BCAS3: variants seen among roughly 807,000 people sequenced by gnomAD.
The protein encoded by BCAS3 is BCAS3 microtubule associated cell migration factor.
Under a neutral mutation model 116.1 loss-of-function variants are expected in BCAS3, and 53 were observed. The ratio of observed to expected loss-of-function variants is 0.46; its 90% confidence interval spans 0.37 to 0.57. The LOEUF (loss-of-function observed/expected upper bound fraction) is 0.57. Ranked by LOEUF, BCAS3 falls within the 20% of genes least tolerant of loss-of-function variation. The probability of loss-of-function intolerance (pLI) is 0.00; values close to 1 mark genes in which losing one functional copy is unlikely to be tolerated. For missense variants in BCAS3, 917 were observed against 1,165.4 expected (o/e 0.79, Z 3.10); for synonymous variants, 391 against 408.2 (o/e 0.96, Z 0.51).
chr17:60,869,100 T>TA (rs1261159693), intron 8 of BCAS3, among the ~76,000 whole-genome samples: 2 of 152,312 alleles, frequency 1.3e-5, no homozygotes, highest in African/African-American at 2.4e-5. Context: ...TCCTGAACTA[T>TA]AAAAAAATGC....
intron 4 of BCAS3, among the ~76,000 whole-genome samples, chr17:60,705,030 G>A (rs1009266359): frequency 1.1e-4 from 17 of 152,034 alleles, no homozygotes; most frequent in African/African-American, 4.1e-4. Context: ...CTATGGAAAG[G>A]ATTGTCAACT....
At chr17:61,047,256 A>G (rs2046440375) in intron 19 of BCAS3, among the ~76,000 whole-genome samples, 1 of 152,002 alleles carries the variant, frequency 6.6e-6, no homozygotes, top group Non-Finnish European at 1.5e-5. Flanking sequence ...TGTATTGTAA[A>G]TTAGATCATA....
intron 13 of BCAS3, among the ~76,000 whole-genome samples, chr17:60,927,640 A>G (rs1323130668): frequency 6.6e-6 from 1 of 152,192 alleles, no homozygotes; most frequent in Non-Finnish European, 1.5e-5. Context: ...TTCATGGTGT[A>G]TAGAGTTTCC....
chr17:61,125,386 A>G (rs1341516529), intron 22 of BCAS3, among the ~76,000 whole-genome samples: 8 of 152,180 alleles, frequency 5.3e-5, no homozygotes, highest in Non-Finnish European at 1.5e-5. Context: ...TATTGCTTCA[A>G]TGACATATTT....
intron 21 of BCAS3, among the ~76,000 whole-genome samples, chr17:61,079,416 T>C (rs1438801937): frequency 6.6e-6 from 1 of 152,172 alleles, no homozygotes; most frequent in Non-Finnish European, 1.5e-5. Context: ...AGTTGGATTA[T>C]GCCTGATGTA....
chr17:61,243,708 C>T lies in BCAS3; in HGVS notation c.2426-124619C>T, dbSNP rs2047706792. 6.6e-6 allele frequency among the ~76,000 whole-genome samples: 1 copy of T among 152,170 alleles called. No individual in the cohort carries two copies. Among genetic ancestry groups the T allele is most frequent in the South Asian group, 2.1e-4 (1 of 4,830 alleles). Reference sequence around the variant, plus strand: ...AGCACAGTTCCCTGCCAGAAATATCCATCATGGACGAAGTGACTGCTAGAG... The same window carrying T: ...AGCACAGTTCCCTGCCAGAAATATCTATCATGGACGAAGTGACTGCTAGAG... On this transcript the variant is annotated intron_variant, in intron 22 of 23. Coordinates refer to ENST00000407086, the MANE Select transcript of BCAS3 (RefSeq NM_017679.5). This position sits in a 1 kb window ranked among gnomAD's most constrained non-coding sequence, Gnocchi z 5.6.
At chr17:61,109,993 T>C (rs2074947928) in intron 22 of BCAS3, among the ~76,000 whole-genome samples, 1 of 152,252 alleles carries the variant, frequency 6.6e-6, no homozygotes, top group Non-Finnish European at 1.5e-5. Flanking sequence ...GCTCTTGGGT[T>C]CTTGGTCATG....
chr17:60,744,410 A>T (rs892824359), intron 5 of BCAS3, among the ~76,000 whole-genome samples: 11 of 152,206 alleles, frequency 7.2e-5, no homozygotes, highest in African/African-American at 2.7e-4. Flanking sequence ...TTATTCAGAA[A>T]GATAGCTAAA....
intron 16 of BCAS3, among the ~76,000 whole-genome samples, chr17:61,018,451 G>A (rs1302382819): frequency 1.3e-5 from 2 of 151,554 alleles, no homozygotes; most frequent in Non-Finnish European, 2.9e-5. Context: ...ACAGGTGTGT[G>A]CCACCACACC....
chr17:60,830,756 A>G (rs1168362071), intron 7 of BCAS3, among the ~76,000 whole-genome samples: 2 of 152,068 alleles, frequency 1.3e-5, no homozygotes, highest in Non-Finnish European at 2.9e-5. Context: ...ATGTCCATGA[A>G]TAGATTATTA....
intron 22 of BCAS3, chr17:61,357,064 T>C (rs967009834): frequency 8.0e-5 from 12 of 150,748 alleles, no homozygotes; most frequent in African/African-American, 2.7e-4. Flanking sequence ...TTTTTTTGTC[T>C]CTCGACTTTT....
chr17:60,935,235 A>G (rs2059857928), intron 13 of BCAS3, among the ~76,000 whole-genome samples: 1 of 152,206 alleles, frequency 6.6e-6, no homozygotes, highest in Non-Finnish European at 1.5e-5. Context: ...GAATGCTAAG[A>G]AAGTGGAAGT....
chr17:60,852,100 G>A lies in BCAS3; in HGVS notation c.477-16476G>A, dbSNP rs2053222271. ...ATATGGAGTCAGTCCTGCATTTAAT[G>A]TCTTGAACATTTTAAATTACTTCTA... is the stretch of plus-strand genomic sequence containing the variant. On this transcript the variant is annotated intron_variant, in intron 7 of 23. Transcript: ENST00000407086. Among the ~76,000 whole-genome samples, 6 of 151,774 alleles carry A rather than the reference G, an allele frequency of 4.0e-5. No individual in the cohort carries two copies. In the South Asian group the frequency reaches 1.3e-3, roughly 32 times the overall value.
chr17:61,215,402 AT>A lies in BCAS3; in HGVS notation c.2425+130842del, dbSNP rs1285376017. ...TCACCTCTCTGTTCTTCAGTTTTGTATTTTGTGAAGCATCTACACTAGATGA... is the reference window on the plus strand; with the variant it reads ...TCACCTCTCTGTTCTTCAGTTTTGTATTTGTGAAGCATCTACACTAGATGA... On this transcript the variant is annotated intron_variant, in intron 22 of 23. Transcript: ENST00000407086. This position sits in a 1 kb window ranked among gnomAD's most constrained non-coding sequence, Gnocchi z 4.8. Among the ~76,000 whole-genome samples the A allele has an allele frequency of 1.3e-5, 2 of 151,804 alleles. No individual in the cohort carries two copies. The highest frequency in any genetic ancestry group is 4.8e-5 in the African/African-American group (2 of 41,350).
At chr17:60,876,681 G>A (rs144595371) in intron 9 of BCAS3, among the ~76,000 whole-genome samples, 16 of 152,160 alleles carry the variant, frequency 1.1e-4, no homozygotes, top group Non-Finnish European at 2.1e-4. Flanking sequence ...TTTGATAACA[G>A]ACCTCATTTG....
intron 22 of BCAS3, among the ~76,000 whole-genome samples, chr17:61,334,169 G>T (rs2056514314): frequency 6.6e-6 from 1 of 152,162 alleles, no homozygotes; most frequent in Non-Finnish European, 1.5e-5. Flanking sequence ...GAGCTTCTGA[G>T]CTCATGTCAA....
intron 10 of BCAS3, among the ~76,000 whole-genome samples, chr17:60,890,885 G>A (rs551554056): frequency 6.6e-6 from 1 of 152,120 alleles, no homozygotes; most frequent in East Asian, 1.9e-4. Context: ...TAGTTATTTG[G>A]TAAAGCCAAA....
At chr17:60,954,606 G>C (rs568812211) in intron 14 of BCAS3, among the ~76,000 whole-genome samples, 17 of 152,198 alleles carry the variant, frequency 1.1e-4, no homozygotes, top group African/African-American at 3.9e-4. Context: ...ACTAGAAAAT[G>C]GAATTTTAGT....
intron 6 of BCAS3, among the ~76,000 whole-genome samples, chr17:60,751,825 G>A (rs1393754010): frequency 6.6e-6 from 1 of 152,106 alleles, no homozygotes. Flanking sequence ...TTACAGGTGT[G>A]AGCCACTGCG....
Sources: allele counts gnomAD v4.1 joint callset (sites outside exome capture counted in the v4.1 genomes callset), GRCh38; gene constraint gnomAD v4.1.1; non-coding constraint Gnocchi (gnomAD v3.1); transcripts MANE v1.5; gene names NCBI Gene and HGNC (gene_info 2026-07-23, HGNC 2026-07-21).